The following DNAJC1 variants were observed in gnomAD, a reference collection of about 807,000 sequenced individuals.
The protein encoded by DNAJC1 is DnaJ heat shock protein family (Hsp40) member C1.
DNAJC1 carries 58 observed loss-of-function variants against 76.6 expected under a neutral mutation model. That is an observed-to-expected ratio of 0.76 (90% CI 0.61 to 0.94). The LOEUF (loss-of-function observed/expected upper bound fraction) is 0.94. DNAJC1 is among the 40% of genes least tolerant of loss of function. DNAJC1 has a pLI of 0.00. For synonymous variants in DNAJC1, 258 were observed against 267.9 expected, an observed-to-expected ratio of 0.96 and a Z score of 0.36; for missense variants, 689 against 677.3, an observed-to-expected ratio of 1.02 and a Z score of -0.19.
At chr10:21,841,072 C>A (rs748750422) in intron 8 of DNAJC1, among the ~76,000 whole-genome samples, 114 of 152,304 alleles carry the variant, frequency 7.5e-4, no homozygotes, top group Middle Eastern at 3.4e-3. Context: ...GAAACTGGAT[C>A]CCTTCCTTAC....
At position 21,996,026 on chromosome 10, in the gene DNAJC1, C is replaced by T. The variant is rs557056469; in HGVS notation, c.222+7187G>A. ...ATTTTTACATTCATTAGTATAGGGC[C>T]CATCTTTTACAATTAAGTGTTTTGA... On this transcript the variant is annotated intron_variant, in intron 1 of 11. Coordinates refer to ENST00000376980, the MANE Select transcript of DNAJC1 (RefSeq NM_022365.4). 1.0e-3 allele frequency among the ~76,000 whole-genome samples: 154 copies of T among 152,098 alleles called. 4 individuals are homozygous for T. The South Asian group carries it at 0.032, about 31-fold the overall frequency.
At chr10:21,773,874 G>A (rs1281986298) in intron 9 of DNAJC1, among the ~76,000 whole-genome samples, 12 of 151,444 alleles carry the variant, frequency 7.9e-5, no homozygotes, top group Admixed American at 7.9e-4. Flanking sequence ...GGGCGCGGTG[G>A]CTCACGCCTG....
chr10:21,804,378 T>C (rs138986950), intron 9 of DNAJC1, among the ~76,000 whole-genome samples: 1 of 152,006 alleles, frequency 6.6e-6, no homozygotes, highest in Non-Finnish European at 1.5e-5. Context: ...TAAACCAATG[T>C]TTTATAACTT....
At chr10:21,984,516 G>A (rs1004432977) in intron 1 of DNAJC1, among the ~76,000 whole-genome samples, 3 of 152,172 alleles carry the variant, frequency 2.0e-5, no homozygotes, top group African/African-American at 7.2e-5. Flanking sequence ...TTTACCAGAA[G>A]CCCAACCCAT....
chr10:21,821,894 T>C (rs1835165110), intron 8 of DNAJC1, among the ~76,000 whole-genome samples: 1 of 149,258 alleles, frequency 6.7e-6, no homozygotes, highest in African/African-American at 2.5e-5. Flanking sequence ...ATTGAAAAAA[T>C]GTATAAGGAC....
In DNAJC1 at chr10:21,775,756, G is replaced by C. The variant is rs79977704; in HGVS notation, c.1099-9447C>G. Among the ~76,000 whole-genome samples, 325 of 152,174 alleles carry C rather than the reference G, an allele frequency of 2.1e-3. 1 individual carries two copies. The highest frequency in any genetic ancestry group is 7.4e-3 in the African/African-American group (307 of 41,498). On this transcript the variant is annotated intron_variant, in intron 9 of 11. Coordinates refer to ENST00000376980, the MANE Select transcript of DNAJC1 (RefSeq NM_022365.4). ...TCATGTGCAGTTTCAGAAGATATAG[G>C]ACTTTTTTGTAGCCTCGTCTTGGGA...
intron 8 of DNAJC1, among the ~76,000 whole-genome samples, chr10:21,819,270 G>A (rs907380940): frequency 5.9e-5 from 9 of 151,660 alleles, no homozygotes; most frequent in African/African-American, 1.9e-4. Context: ...GCATGGTGGC[G>A]TGCATCTGTA....
chr10:21,840,821 C>T (rs1240064253), intron 8 of DNAJC1, among the ~76,000 whole-genome samples: 2 of 152,174 alleles, frequency 1.3e-5, no homozygotes, highest in African/African-American at 2.4e-5. Flanking sequence ...AAGAACAAAG[C>T]TGGAGGCATC....
At chr10:21,895,094 T>C (rs1836519676) in intron 7 of DNAJC1, among the ~76,000 whole-genome samples, 3 of 152,238 alleles carry the variant, frequency 2.0e-5, no homozygotes, top group Admixed American at 2.0e-4. Context: ...ATGGTGCTAC[T>C]ATAACAAATA....
At chr10:21,994,201 A>G (rs966911176) in intron 1 of DNAJC1, among the ~76,000 whole-genome samples, 1 of 152,192 alleles carries the variant, frequency 6.6e-6, no homozygotes, top group Non-Finnish European at 1.5e-5. Context: ...ATCAAACCCA[A>G]CTTTAAGATT....
At chr10:21,826,326 CTCT>C (rs1835253671) in intron 8 of DNAJC1, among the ~76,000 whole-genome samples, 1 of 149,556 alleles carries the variant, frequency 6.7e-6, no homozygotes, top group Non-Finnish European at 1.5e-5. Flanking sequence ...TACTCTCTCT[CTCT>C]TTTTATTTTA....
intron 7 of DNAJC1, among the ~76,000 whole-genome samples, chr10:21,884,665 G>A (rs1023885299): frequency 6.6e-6 from 1 of 152,110 alleles, no homozygotes; most frequent in African/African-American, 2.4e-5. Flanking sequence ...ACACTATTAG[G>A]AGAAATGACT....
chr10:21,875,513 C>T (rs1289275650), intron 8 of DNAJC1, among the ~76,000 whole-genome samples: 7 of 152,162 alleles, frequency 4.6e-5, no homozygotes, highest in African/African-American at 7.2e-5. Context: ...TGAAAGCTTT[C>T]TTTGAGATTG....
At chr10:21,882,207 C>T (rs545044870) in intron 8 of DNAJC1, 75 bp downstream of exon 8, 6 of 1,348,284 alleles carry the variant, frequency 4.5e-6, no homozygotes, top group Middle Eastern at 2.6e-4. Flanking sequence ...AGCACTATAT[C>T]GTGAGCTAAC....
At chr10:21,793,938 G>A (rs1834722512) in intron 9 of DNAJC1, among the ~76,000 whole-genome samples, 1 of 152,042 alleles carries the variant, frequency 6.6e-6, no homozygotes, top group Admixed American at 6.6e-5. Flanking sequence ...GGGCAACAGA[G>A]TGAGACTCTG....
At chr10:21,914,912 A>G (rs1319564104) in intron 6 of DNAJC1, among the ~76,000 whole-genome samples, 2 of 152,132 alleles carry the variant, frequency 1.3e-5, no homozygotes, top group South Asian at 4.1e-4. Context: ...TACTTCTCTG[A>G]CTATCTACAG....
intron 9 of DNAJC1, among the ~76,000 whole-genome samples, chr10:21,778,868 G>C (rs1834487320): frequency 6.6e-6 from 1 of 152,204 alleles, no homozygotes; most frequent in South Asian, 2.1e-4. Context: ...GTGAAAGACG[G>C]CACCTGGAAA....
intron 3 of DNAJC1, 122 bp from the exon 4 acceptor site, chr10:21,921,085 T>G: frequency 2.4e-6 from 2 of 831,270 alleles, no homozygotes; most frequent in Non-Finnish European, 3.6e-6. Flanking sequence ...AATGTTTATG[T>G]ACGTTCCCAG....
chr10:21,997,964 C>CA (rs1838446070), intron 1 of DNAJC1, among the ~76,000 whole-genome samples: 1 of 152,048 alleles, frequency 6.6e-6, no homozygotes, highest in Admixed American at 6.6e-5. Flanking sequence ...GTAAATACTA[C>CA]AAAATTTAAG....
Sources: gnomAD v4.1 joint callset for allele counts (sites outside exome capture counted in the v4.1 genomes callset) on GRCh38, gnomAD v4.1.1 for gene constraint, MANE v1.5 for transcripts, NCBI Gene and HGNC (gene_info 2026-07-23, HGNC 2026-07-21) for gene names.